Variants in SGO1 observed in about 807,000 individuals in gnomAD.
SGO1 encodes the protein shugoshin 1.
Under a neutral mutation model 50.5 loss-of-function variants are expected in SGO1, and 39 were observed. The ratio of observed to expected loss-of-function variants is 0.77; its 90% CI spans 0.60 to 1.01. The LOEUF is 1.01. SGO1 is among the 50% of genes least tolerant of loss of function. The probability of loss-of-function intolerance (pLI) is 0.00; values close to 1 mark genes in which losing one functional copy is unlikely to be tolerated. For synonymous variants in SGO1, 191 were observed against 205.1 expected (o/e 0.93, Z 0.59); for missense variants, 638 against 606.0 (o/e 1.05, Z -0.55).
At chr3:20,174,187 G>A in intron 6 of SGO1, 62 bp downstream of exon 6, 1 of 1,246,236 alleles carries the variant, frequency 8.0e-7, no homozygotes, top group South Asian at 1.3e-5. Flanking sequence ...TAGTATATAA[G>A]CATCAGGAGT....
At chr3:20,183,090 T>C (rs922709540) in intron 3 of SGO1, among the ~76,000 whole-genome samples, 17 of 152,198 alleles carry the variant, frequency 1.1e-4, no homozygotes, top group African/African-American at 4.1e-4. Context: ...CTTCTCTACT[T>C]AGCCAACAAG....
downstream of SGO1, among the ~76,000 whole-genome samples, chr3:20,166,471 C>A (rs1420560095): frequency 6.6e-6 from 1 of 151,936 alleles, no homozygotes; most frequent in Non-Finnish European, 1.5e-5. Flanking sequence ...GCTAACTAAG[C>A]CAGACACAAA....
Position 20,174,252 on chromosome 3 carries a change from T to A in SGO1, c.1279A>T (p.Thr427Ser). Reference protein sequence around the residue: ...TEGSKPTKTPTTTPPETQQSP... With the variant: ...TEGSKPTKTPSTTPPETQQSP... The stretch of plus-strand genomic sequence containing the variant: ...GGTAAACAAGTAGATCACTTACTGG[T>A]AGGAGTTTTTGTTGGCTTAGAACCC... The change falls in exon 6 of 8, where the codon ACC (threonine) becomes TCC (serine). Residue 427 changes from threonine to serine, a missense_variant. Physicochemically the swap from Thr to Ser is moderately conservative, Grantham distance 58 (BLOSUM62 1). Transcript: ENST00000412997. The A allele has an allele frequency of 9.3e-6, 15 of 1,610,634 alleles. No individual in the cohort carries two copies. The highest frequency in any genetic ancestry group is 1.2e-5 in the Non-Finnish European group (14 of 1,177,306).
chr3:20,171,359 G>C, intron 6 of SGO1, 127 bp from the exon 7 acceptor site: 1 of 727,554 alleles, frequency 1.4e-6, no homozygotes, highest in Admixed American at 3.6e-5. Context: ...TTTTTTTTTA[G>C]ATGGGCTCTC....
chr3:20,164,726 C>G (rs1700207287), downstream of SGO1, among the ~76,000 whole-genome samples: 1 of 152,078 alleles, frequency 6.6e-6, no homozygotes, highest in South Asian at 2.1e-4. Flanking sequence ...ATGAATTTAG[C>G]AAGGTCTAGA....
intron 5 of SGO1, 44 bp from the exon 6 acceptor site, chr3:20,175,099 G>A: frequency 7.4e-7 from 1 of 1,354,786 alleles, no homozygotes; most frequent in East Asian, 2.6e-5. Context: ...TTTACTTTGT[G>A]GAAATTTGAA....
intron 8 of SGO1, among the ~76,000 whole-genome samples, chr3:20,164,285 T>A (rs556926700): frequency 1.3e-5 from 2 of 151,990 alleles, no homozygotes; most frequent in Admixed American, 1.3e-4. Flanking sequence ...ACATGGGAAA[T>A]CCATTTATTT....
intron 8 of SGO1, among the ~76,000 whole-genome samples, chr3:20,162,055 G>C (rs1700067060): frequency 6.6e-6 from 1 of 152,178 alleles, no homozygotes; most frequent in Admixed American, 6.5e-5. Flanking sequence ...TCATTGAGTT[G>C]AAGAGACAGA....
At position 20,185,275 on chromosome 3, in the gene SGO1, CTAGTT is replaced by C. The variant is rs573606293; in HGVS notation, c.-8+668_-8+672del. On this transcript the variant is annotated intron_variant, in intron 1 of 7. Transcript: ENST00000412997. ...GAGTCATACAGATTAAGTAACGGAT[CTAGTT>C]TAGTTAAGGTATTTTAAAGGCAAAG... 7.1e-4 allele frequency among the ~76,000 whole-genome samples: 108 copies of C among 152,250 alleles called. No homozygotes were observed. The South Asian group carries it at 7.3e-3, about 10-fold the overall frequency.
chr3:20,183,385 C>T (rs1299906858), intron 3 of SGO1, among the ~76,000 whole-genome samples: 1 of 152,198 alleles, frequency 6.6e-6, no homozygotes, highest in Non-Finnish European at 1.5e-5. Context: ...TTGCTACCTG[C>T]TTTAAGAATG....
chr3:20,181,199 G>GTCA (rs1701983254), intron 3 of SGO1, among the ~76,000 whole-genome samples: 1 of 152,072 alleles, frequency 6.6e-6, no homozygotes, highest in Non-Finnish European at 1.5e-5. Context: ...AATTTGACAT[G>GTCA]AATATAGCTA....
At chr3:20,177,128 G>C (rs1280547408) in intron 4 of SGO1, 4 of 152,360 alleles carry the variant, frequency 2.6e-5, no homozygotes, top group Non-Finnish European at 5.9e-5. Flanking sequence ...GTTGTTCTTT[G>C]GTTCATGAAA....
downstream of SGO1, among the ~76,000 whole-genome samples, chr3:20,165,718 A>G (rs1326104589): frequency 1.3e-5 from 2 of 152,222 alleles, no homozygotes; most frequent in African/African-American, 4.8e-5. Context: ...GAAATTATAT[A>G]GGCAAATTTT....
At chr3:20,179,745 T>C (rs1701803103) in intron 3 of SGO1, among the ~76,000 whole-genome samples, 1 of 151,938 alleles carries the variant, frequency 6.6e-6, no homozygotes, top group African/African-American at 2.4e-5. Flanking sequence ...ATGCCTGACA[T>C]TTACAGGTAG....
exon 9 of SGO1, chr3:20,160,836 A>C (rs1319495715): frequency 7.8e-6 from 2 of 257,114 alleles, no homozygotes; most frequent in Non-Finnish European, 1.5e-5. Context: ...TGAGCTTACA[A>C]GAAAGAAAAG....
downstream of SGO1, among the ~76,000 whole-genome samples, chr3:20,165,631 G>C (rs1194597610): frequency 6.6e-6 from 1 of 152,100 alleles, no homozygotes; most frequent in Non-Finnish European, 1.5e-5. Flanking sequence ...ACCCTCAACA[G>C]GTGCAATTTG....
Position 20,171,202 on chromosome 3 carries a change from T to C in SGO1, c.1313A>G (p.His438Arg), listed in dbSNP as rs1168582154. The C allele has an allele frequency of 3.7e-6, 6 of 1,603,300 alleles. No individual in the cohort carries two copies. The highest frequency in any genetic ancestry group is 2.5e-6 in the Non-Finnish European group (3 of 1,176,810). ...ATTGGTGATATCCTTCAGGCTAAGA[T>C]GAGGTGACTGCTGAGTTTCAGGTGG... ...TTPPETQQSPHLSLKDITNVS... is the reference protein window; with the variant it reads ...TTPPETQQSPRLSLKDITNVS... The change falls in exon 7 of 8, where the codon CAT (histidine) becomes CGT (arginine). Residue 438 changes from histidine to arginine, a missense_variant. By Grantham distance (29) the His-to-Arg change is conservative. Transcript: ENST00000412997.
rs1037246183 is a variant in SGO1 at position 20,185,999 on chromosome 3, G to A, written c.-59C>T. Reference sequence around the variant, plus strand: ...GGGACTCCAGGAAGGCCGGGGGGAGGTGGGGCTGGCGGAAGTGGACGCGGC... The same window carrying A: ...GGGACTCCAGGAAGGCCGGGGGGAGATGGGGCTGGCGGAAGTGGACGCGGC... On this transcript the variant is annotated 5_prime_UTR_variant, in exon 1 of 8. Transcript: ENST00000412997. 2 of 152,390 alleles carry A rather than the reference G, an allele frequency of 1.3e-5. No individual in the cohort carries two copies. The highest frequency in any genetic ancestry group is 2.4e-5 in the African/African-American group (1 of 41,448). The allele number at this position is 152,390 out of a possible 1,614,324, so 9.4% of individuals were successfully genotyped here.
intron 3 of SGO1, among the ~76,000 whole-genome samples, chr3:20,178,658 G>A (rs1013081277): frequency 1.3e-5 from 2 of 152,210 alleles, no homozygotes; most frequent in Non-Finnish European, 2.9e-5. Context: ...TTTAAATACA[G>A]TGAATGTGAT....
Sources: allele counts gnomAD v4.1 joint callset (sites outside exome capture counted in the v4.1 genomes callset), GRCh38; gene constraint gnomAD v4.1.1; transcripts MANE v1.5; gene names NCBI Gene and HGNC (gene_info 2026-07-23, HGNC 2026-07-21).